The following FAM120B variants were observed in gnomAD, a reference collection of about 807,000 sequenced individuals.
FAM120B encodes family with sequence similarity 120 member B, also known as constitutive coactivator of peroxisome proliferator-activated receptor gamma.
A neutral mutation model predicts 96.3 loss-of-function variants in FAM120B; 83 were observed. The ratio of observed to expected loss-of-function variants is 0.86; its 90% confidence interval spans 0.72 to 1.03. FAM120B has a LOEUF of 1.03. FAM120B is among the 50% of genes least tolerant of loss of function. The pLI is 0.00. For synonymous variants in FAM120B, 407 were observed against 402.7 expected, an observed-to-expected ratio of 1.01 and a Z score of -0.13; for missense variants, 1,027 against 1,121.2, an observed-to-expected ratio of 0.92 and a Z score of 1.20.
intron 3 of FAM120B, among the ~76,000 whole-genome samples, chr6:170,327,271 C>A (rs1223636712): frequency 6.6e-6 from 1 of 152,092 alleles, no homozygotes; most frequent in Non-Finnish European, 1.5e-5. Context: ...TGATCTCGAT[C>A]TCCTGACCTT....
intron 6 of FAM120B, among the ~76,000 whole-genome samples, chr6:170,369,689 GTTT>G (rs556518944): frequency 7.5e-6 from 1 of 133,632 alleles, no homozygotes; most frequent in Non-Finnish European, 1.6e-5. Flanking sequence ...ACTTAGGGTA[GTTT>G]TTTTTTTTTT....
At chr6:170,398,009 TG>T (rs1381103263) in intron 9 of FAM120B, among the ~76,000 whole-genome samples, 1 of 152,194 alleles carries the variant, frequency 6.6e-6, no homozygotes, top group Non-Finnish European at 1.5e-5. Context: ...TTCTTCCCCC[TG>T]GGCCTCAGGA....
intron 5 of FAM120B, among the ~76,000 whole-genome samples, chr6:170,355,600 G>A (rs1054022762): frequency 6.6e-6 from 1 of 152,116 alleles, no homozygotes. Flanking sequence ...GCATCAGGAA[G>A]AATCGCTAAT....
intron 6 of FAM120B, among the ~76,000 whole-genome samples, chr6:170,369,694 T>G (rs554913432): frequency 2.0e-5 from 3 of 151,516 alleles, no homozygotes; most frequent in East Asian, 3.9e-4. Context: ...GGGTAGTTTT[T>G]TTTTTTTTTT....
Position 170,318,647 on chromosome 6 carries a change from T to C in FAM120B, c.1257T>C (p.Pro419=). 1 of 1,590,028 alleles carries C rather than the reference T, an allele frequency of 6.3e-7. No individual in the cohort carries two copies. The highest frequency in any genetic ancestry group is 8.6e-7 in the Non-Finnish European group (1 of 1,166,952). ...AAGAAGTTCCCATGTGTACAGGCCC[T>C]GAAGCCAGGCAAGAAGTTCCCATGT... The part of the protein sequence containing the change: ...PRQEVPMCTG[P]EARQEVPMYT... The change falls in exon 2 of 11, where the codon CCT becomes CCC. Residue 419 remains proline, a synonymous_variant. Coordinates refer to ENST00000476287, the MANE Select transcript of FAM120B (RefSeq NM_032448.3).
At chr6:170,310,700 G>A (rs960168078) in intron 1 of FAM120B, among the ~76,000 whole-genome samples, 1 of 152,228 alleles carries the variant, frequency 6.6e-6, no homozygotes, top group African/African-American at 2.4e-5. Flanking sequence ...GGGCCAGTGG[G>A]ACTAGAGGGG....
rs935511165 is a variant in FAM120B, at chr6:170,326,087, C to T, written c.1915+2828C>T. 1.1e-4 allele frequency among the ~76,000 whole-genome samples: 17 copies of T among 151,574 alleles called. No individual in the cohort carries two copies. The East Asian group carries it at 1.2e-3, about 11-fold the overall frequency. ...ATATATTTTAAATTTGAAATAATTA[C>T]GGATTCACAGGAAGTTGCAAGAATA... is the stretch of plus-strand genomic sequence containing the variant. On this transcript the variant is annotated intron_variant, in intron 3 of 10. Coordinates refer to ENST00000476287, the MANE Select transcript of FAM120B (RefSeq NM_032448.3).
chr6:170,351,884 G>A (rs1310920082), intron 5 of FAM120B, among the ~76,000 whole-genome samples: 1 of 152,098 alleles, frequency 6.6e-6, no homozygotes, highest in Non-Finnish European at 1.5e-5. Context: ...ACATAAACAA[G>A]CCTGCAAAAT....
chr6:170,376,584 C>T (rs114726379), intron 6 of FAM120B, among the ~76,000 whole-genome samples: 2,444 of 152,204 alleles, frequency 0.016, 70 homozygotes, highest in African/African-American at 0.055. Context: ...AAGAAAAGAC[C>T]GGTAAGTACC....
At chr6:170,383,695 T>C (rs932602936) in intron 6 of FAM120B, among the ~76,000 whole-genome samples, 7 of 152,238 alleles carry the variant, frequency 4.6e-5, no homozygotes, top group Admixed American at 2.0e-4. Context: ...GCCTCTTACA[T>C]GGCTGGTGTC....
chr6:170,358,746 G>C (rs146130715), intron 6 of FAM120B, among the ~76,000 whole-genome samples: 167 of 152,330 alleles, frequency 1.1e-3, no homozygotes, highest in South Asian at 3.1e-3. Context: ...GTTCAGTAAA[G>C]AACTTCATAT....
At chr6:170,354,304 A>G (rs963155542) in intron 5 of FAM120B, among the ~76,000 whole-genome samples, 9 of 152,206 alleles carry the variant, frequency 5.9e-5, no homozygotes, top group Non-Finnish European at 8.8e-5. Flanking sequence ...TGTAAACCCA[A>G]AAATATAAAA....
chr6:170,386,716 CAGA>C (rs1401677962), intron 6 of FAM120B, among the ~76,000 whole-genome samples: 3 of 152,180 alleles, frequency 2.0e-5, no homozygotes, highest in Admixed American at 1.3e-4. Context: ...TTCCAGAGAG[CAGA>C]AGAAGAAGGA....
chr6:170,331,561 A>AT (rs1168549923), intron 4 of FAM120B, among the ~76,000 whole-genome samples: 1 of 152,142 alleles, frequency 6.6e-6, no homozygotes, highest in East Asian at 1.9e-4. Flanking sequence ...AGTAAGGAGC[A>AT]TTTTTTTAAA....
At chr6:170,322,163 A>G (rs1430577903) in intron 2 of FAM120B, among the ~76,000 whole-genome samples, 1 of 152,260 alleles carries the variant, frequency 6.6e-6, no homozygotes, top group East Asian at 1.9e-4. Flanking sequence ...ATGAGCCAGC[A>G]CTGTCTTGAC....
intron 1 of FAM120B, chr6:170,298,260 A>G (rs1462913161): frequency 6.6e-6 from 1 of 152,232 alleles, no homozygotes; most frequent in African/African-American, 2.4e-5. Flanking sequence ...GGACCCCAAT[A>G]AACAGCCCAA....
At chr6:170,360,404 A>T (rs1035789331) in intron 6 of FAM120B, among the ~76,000 whole-genome samples, 6 of 152,196 alleles carry the variant, frequency 3.9e-5, no homozygotes, top group Admixed American at 2.0e-4. Flanking sequence ...GCCATGTTGT[A>T]ATTGGCAAGG....
Position 170,388,454 on chromosome 6 carries a change from T to G in FAM120B, c.2451T>G (p.Ser817=). ...GKLFHQKYLQ[S]EKGYAVEVLL... ...TTTTTCATCAGAAGTACTTGCAATC[T>G]GAAAAGGGTTATGCTGTGGAGGTTC... Residue 817 remains serine, a synonymous_variant, in exon 7 of 11, where the codon TCT becomes TCG. Transcript: ENST00000476287. 9 of 1,614,204 alleles carry G rather than the reference T, an allele frequency of 5.6e-6. No homozygotes were observed. The highest frequency in any genetic ancestry group is 7.6e-6 in the Non-Finnish European group (9 of 1,180,034).
At chr6:170,311,386 T>A (rs10484503) in intron 1 of FAM120B, among the ~76,000 whole-genome samples, 1 of 152,186 alleles carries the variant, frequency 6.6e-6, no homozygotes, top group East Asian at 1.9e-4. Context: ...TCCCCATTTC[T>A]ACACTTGATG....
Sources: gnomAD v4.1 joint callset for allele counts (sites outside exome capture counted in the v4.1 genomes callset) on GRCh38, gnomAD v4.1.1 for gene constraint, MANE v1.5 for transcripts, NCBI Gene and HGNC (gene_info 2026-07-23, HGNC 2026-07-21) for gene names.